Variants in SMG1 observed in about 807,000 individuals in gnomAD.
SMG1 encodes the protein SMG1 nonsense mediated mRNA decay associated PI3K related kinase.
A neutral mutation model predicts 419.9 loss-of-function variants in SMG1; 22 were observed. That is an observed-to-expected ratio of 0.05 (90% CI 0.04 to 0.07). The LOEUF is 0.07. Among genes scored for constraint, SMG1 ranks in the 10% least tolerant of loss-of-function variants. The pLI, the probability that SMG1 is intolerant of heterozygous loss-of-function variation, is 1.00. For synonymous variants in SMG1, 1,538 were observed against 1,553.5 expected (o/e 0.99, Z 0.23); for missense variants, 3,185 against 4,342.0 (o/e 0.73, Z 7.49).
chr16:18,835,149 A>G lies in SMG1; in HGVS notation c.8073T>C (p.Tyr2691=). Residue 2691 remains tyrosine (Y), a synonymous_variant, in exon 49 of 63, where the codon TAT becomes TAC. Coordinates refer to ENST00000446231, the MANE Select transcript of SMG1 (RefSeq NM_015092.5). ...ACACTGTTGGGGGTGGCTGGGGAGC[A>G]TATTGCATTTCATATCTATAAAAAT... ...QELYRKYEMQ[Y]APQPPPTVCQ... is the part of the protein sequence containing the mutation. 1 of 1,608,336 alleles carries G rather than the reference A, an allele frequency of 6.2e-7. No individual in the cohort carries two copies. The highest frequency in any genetic ancestry group is 8.5e-7 in the Non-Finnish European group (1 of 1,175,042).
Position 18,836,053 on chromosome 16 carries a change from G to C in SMG1, c.7937C>G (p.Thr2646Ser), listed in dbSNP as rs899443383. ...GGCCTTCGGATACTGCAGGGCCACG[G>C]TTGCATAGTGATGCAGTTGCTCCAG... The part of the protein sequence containing the change: ...GCLEQLHHYA[T>S]VALQYPKAIF... The change falls in exon 48 of 63, where the codon ACC becomes AGC. Residue 2646 changes from threonine (T) to serine (S), a missense_variant. Physicochemically the swap from Thr to Ser is moderately conservative, Grantham distance 58. Transcript: ENST00000446231. The C allele has an allele frequency of 6.2e-7, 1 of 1,600,750 alleles. No homozygotes were observed. Among genetic ancestry groups the C allele is most frequent in the Non-Finnish European group, 8.5e-7 (1 of 1,173,662 alleles).
rs3816919 is a variant in SMG1, at chr16:18,836,094, G to A, written c.7896C>T (p.Ser2632=). The A allele has an allele frequency of 0.094, 151,459 of 1,608,030 alleles. 7,681 individuals are homozygous for A. Among genetic ancestry groups the A allele is most frequent in the Middle Eastern group, 0.15 (892 of 6,056 alleles). The part of the protein sequence containing the change: ...EVGALLQQRR[S]VLRGCLEQLH... ...GTTGCTCCAGACAGCCACGGAGCAC[G>A]GAGCGCCTCTGCTGCAGGAGAGCAC... is the stretch of plus-strand genomic sequence containing the variant. Residue 2632 remains serine, a synonymous_variant, in exon 48 of 63, where the codon TCC becomes TCT. Coordinates refer to ENST00000446231, the MANE Select transcript of SMG1 (RefSeq NM_015092.5).
chr16:18,815,968 C>T (rs933842064), intron 58 of SMG1: 21 of 450,624 alleles, frequency 4.7e-5, no homozygotes, highest in Non-Finnish European at 7.5e-5. Flanking sequence ...TGGAGGCAAA[C>T]TGTATGGGTT....
chr16:18,830,516 C>A, intron 51 of SMG1, 147 bp from the exon 52 acceptor site: 1 of 863,056 alleles, frequency 1.2e-6, no homozygotes, highest in Non-Finnish European at 1.8e-6. Context: ...AGGCCGGGCG[C>A]GGTGGCTCAC....
intron 1 of SMG1, among the ~76,000 whole-genome samples, chr16:18,909,227 A>T (rs2037700209): frequency 6.6e-6 from 1 of 152,060 alleles, no homozygotes; most frequent in African/African-American, 2.4e-5. Context: ...CTGTAATCCC[A>T]GCTACTCGGG....
At chr16:18,925,059 G>C (rs1271449325) in intron 1 of SMG1, 1 of 152,132 alleles carries the variant, frequency 6.6e-6, no homozygotes, top group Non-Finnish European at 1.5e-5. Context: ...TAAGCATTGG[G>C]TTAAATTCCA....
Position 18,829,334 on chromosome 16 carries a change from A to G in SMG1, c.9555T>C (p.Ser3185=). The G allele has an allele frequency of 2.5e-6, 4 of 1,613,982 alleles. No individual in the cohort carries two copies. Among genetic ancestry groups the G allele is most frequent in the Non-Finnish European group, 3.4e-6 (4 of 1,179,882 alleles). The change falls in exon 54 of 63, where the codon TCT becomes TCC. Residue 3185 remains serine, a synonymous_variant. Coordinates refer to ENST00000446231, the MANE Select transcript of SMG1 (RefSeq NM_015092.5). ...LVRRLETSIS[S]CKTSLQRVQL... The stretch of plus-strand genomic sequence containing the variant: ...GAACCCGCTGCAGGCTTGTCTTACA[A>G]GAAGAAATACTGGTTTCTAGCCTTC...
intron 56 of SMG1, among the ~76,000 whole-genome samples, chr16:18,818,354 C>T (rs1480819406): frequency 1.3e-5 from 2 of 151,952 alleles, no homozygotes; most frequent in African/African-American, 4.8e-5. Flanking sequence ...CACTGCACTA[C>T]AGCCTGGGCA....
intron 28 of SMG1, chr16:18,858,759 T>C (rs2035053370): frequency 6.2e-6 from 2 of 320,688 alleles, no homozygotes; most frequent in East Asian, 1.2e-4. Flanking sequence ...CTAAAGGAAC[T>C]GTCTTTACAT....
chr16:18,863,668 G>C lies in SMG1; in HGVS notation c.3677C>G (p.Ala1226Gly). The C allele has an allele frequency of 6.3e-7, 1 of 1,594,668 alleles. No individual in the cohort carries two copies. The highest frequency in any genetic ancestry group is 8.5e-7 in the Non-Finnish European group (1 of 1,178,166). ...GCCTTACTTTATATAGTTGAAGTCA[G>C]CTTTCAGGTTGAGGGAAGTGCTACT... ...STSSTSLNLK[A>G]DFNYIKSLSS... Residue 1226 changes from alanine to glycine, a missense_variant, in exon 25 of 63, where the codon GCT (alanine) becomes GGT (glycine). Around this residue, in one of 27 missense-constraint regions of SMG1, gnomAD observed 120 missense variants for 193.3 expected, o/e 0.62. Transcript: ENST00000446231.
Position 18,892,359 on chromosome 16 carries a change from G to A in SMG1, c.413-5C>T. The A allele has an allele frequency of 2.6e-6, 4 of 1,547,596 alleles. No individual in the cohort carries two copies. Among genetic ancestry groups the A allele is most frequent in the Non-Finnish European group, 3.5e-6 (4 of 1,145,174 alleles). On this transcript the variant is annotated splice_region_variant and splice_polypyrimidine_tract_variant and intron_variant, in intron 3 of 62. Transcript: ENST00000446231. ...CAGAATAAGACATCGATCTCTCTGT[G>A]AATATATAAACATTTTGTTGTCCAT...
intron 13 of SMG1, among the ~76,000 whole-genome samples, chr16:18,873,629 T>A (rs373916124): frequency 1.8e-4 from 27 of 152,342 alleles, no homozygotes; most frequent in African/African-American, 5.0e-4. Flanking sequence ...AAAAAACAAG[T>A]GCTGGGCTGT....
chr16:18,908,233 T>TGGCG (rs2037648861), intron 1 of SMG1, among the ~76,000 whole-genome samples: 1 of 151,564 alleles, frequency 6.6e-6, no homozygotes, highest in South Asian at 2.1e-4. Flanking sequence ...GCAGGCGTGG[T>TGGCG]GGTGCACATC....
At chr16:18,907,351 CATTT>C (rs908844261) in intron 1 of SMG1, among the ~76,000 whole-genome samples, 9 of 151,742 alleles carry the variant, frequency 5.9e-5, no homozygotes, top group South Asian at 4.2e-4. Context: ...TTTCTCCTTG[CATTT>C]ATTTATTTAT....
chr16:18,877,517 C>G (rs2036192098), intron 11 of SMG1: 1 of 273,884 alleles, frequency 3.7e-6, no homozygotes, highest in Admixed American at 4.7e-5. Flanking sequence ...CTGTATGATA[C>G]TGGTAATAGG....
At chr16:18,897,060 T>A in intron 1 of SMG1, 104 bp from the exon 2 acceptor site, 1 of 765,140 alleles carries the variant, frequency 1.3e-6, no homozygotes, top group Non-Finnish European at 2.1e-6. Flanking sequence ...ACCATTACTA[T>A]TTAGTGTAAT....
intron 1 of SMG1, among the ~76,000 whole-genome samples, chr16:18,902,988 GTA>G (rs2037408260): frequency 6.6e-6 from 1 of 151,898 alleles, no homozygotes; most frequent in Non-Finnish European, 1.5e-5. Context: ...AGCAACTTTT[GTA>G]TTTTTTTTGT....
At position 18,845,655 on chromosome 16, in the gene SMG1, A is replaced by T. The variant is rs752794308; in HGVS notation, c.5997-4T>A. On this transcript the variant is annotated splice_polypyrimidine_tract_variant and splice_region_variant and intron_variant, in intron 38 of 62. Coordinates refer to ENST00000446231, the MANE Select transcript of SMG1 (RefSeq NM_015092.5). ...CATGATTGCAATTTTCTCTTCTCTG[A>T]CCAAGAAGACATTTTTATTCAAAAA... The T allele has an allele frequency of 6.3e-7, 1 of 1,597,282 alleles. No homozygotes were observed. Among genetic ancestry groups the T allele is most frequent in the Non-Finnish European group, 8.5e-7 (1 of 1,171,986 alleles).
intron 4 of SMG1, 121 bp downstream of exon 4, chr16:18,892,097 G>C (rs2036909279): frequency 4.0e-6 from 3 of 750,912 alleles, no homozygotes; most frequent in South Asian, 1.6e-5. Context: ...ATATTAGAGA[G>C]CATTAAGTTC....
Sources: allele counts gnomAD v4.1 joint callset (sites outside exome capture counted in the v4.1 genomes callset), GRCh38; gene constraint gnomAD v4.1.1; regional missense constraint gnomAD v4.1.1; transcripts MANE v1.5; gene names NCBI Gene and HGNC (gene_info 2026-07-23, HGNC 2026-07-21).